Variants in GRID1 observed in about 807,000 individuals in gnomAD.
GRID1 encodes glutamate ionotropic receptor delta type subunit 1.
A neutral mutation model predicts 98.0 loss-of-function variants in GRID1; 28 were observed. The observed-to-expected ratio is 0.29, with a 90% CI of 0.21 to 0.39. The LOEUF (loss-of-function observed/expected upper bound fraction) is 0.39, where lower values mean the gene tolerates loss of function less well. GRID1 is among the 10% of genes least tolerant of loss of function. GRID1 has a pLI of 1.00. For missense variants in GRID1, 1,111 were observed against 1,340.5 expected (o/e 0.83, Z 2.67); for synonymous variants, 553 against 538.5 (o/e 1.03, Z -0.37).
Position 86,365,954 on chromosome 10 carries a change from C to T in GRID1, c.79+360G>A, listed in dbSNP as rs1270528876. Reference sequence around the variant, plus strand: ...TTGGCGAGCCCCCCGCTGTACCTCCCCCTGCCCCCCGCTGCTCTGAGCTGC... The same window carrying T: ...TTGGCGAGCCCCCCGCTGTACCTCCTCCTGCCCCCCGCTGCTCTGAGCTGC... On this transcript the variant is annotated intron_variant, in intron 1 of 15. Coordinates refer to ENST00000327946, the MANE Select transcript of GRID1 (RefSeq NM_017551.3). The surrounding 1 kb of genome is among the most constrained non-coding windows in gnomAD (Gnocchi z 4.8). 6.6e-6 allele frequency among the ~76,000 whole-genome samples: 1 copy of T among 152,194 alleles called. No individual in the cohort carries two copies. Among genetic ancestry groups the T allele is most frequent in the Non-Finnish European group, 1.5e-5 (1 of 68,014 alleles).
intron 4 of GRID1, among the ~76,000 whole-genome samples, chr10:86,018,239 C>T (rs758913936): frequency 2.0e-5 from 3 of 152,248 alleles, no homozygotes; most frequent in Non-Finnish European, 4.4e-5. Context: ...TTCTGATGAG[C>T]TCCTTCATGC....
intron 2 of GRID1, among the ~76,000 whole-genome samples, chr10:86,241,105 G>A (rs768717582): frequency 6.6e-6 from 1 of 152,240 alleles, no homozygotes; most frequent in African/African-American, 2.4e-5. Flanking sequence ...CCACTGCCCA[G>A]TGCTCTGTGA....
At chr10:86,207,347 C>A (rs932085676) in intron 2 of GRID1, among the ~76,000 whole-genome samples, 17 of 152,304 alleles carry the variant, frequency 1.1e-4, no homozygotes, top group Admixed American at 9.2e-4. Flanking sequence ...GAAAGACGTT[C>A]CCGCCACTCA....
intron 3 of GRID1, among the ~76,000 whole-genome samples, chr10:86,150,847 C>A (rs1845157693): frequency 6.6e-6 from 1 of 152,148 alleles, no homozygotes; most frequent in African/African-American, 2.4e-5. Flanking sequence ...TGGCCAACTG[C>A]AAACCAGGAA....
At chr10:86,162,523 C>T (rs1845337985) in intron 3 of GRID1, among the ~76,000 whole-genome samples, 1 of 152,206 alleles carries the variant, frequency 6.6e-6, no homozygotes, top group South Asian at 2.1e-4. Flanking sequence ...AGAAGCTTTC[C>T]ATGGATAAGG....
intron 4 of GRID1, among the ~76,000 whole-genome samples, chr10:86,133,717 G>T (rs1844872860): frequency 6.6e-6 from 1 of 152,158 alleles, no homozygotes; most frequent in African/African-American, 2.4e-5. Context: ...TGTAGACAAG[G>T]TCCCATGCTG....
chr10:86,253,343 T>C (rs1268863720), intron 2 of GRID1, among the ~76,000 whole-genome samples: 1 of 152,112 alleles, frequency 6.6e-6, no homozygotes, highest in African/African-American at 2.4e-5. Context: ...GCTGTGATTC[T>C]TCATTGGAAA....
At chr10:86,034,789 C>A (rs1843233064) in intron 4 of GRID1, among the ~76,000 whole-genome samples, 1 of 151,922 alleles carries the variant, frequency 6.6e-6, no homozygotes, top group African/African-American at 2.4e-5. Context: ...TCAGATTGTG[C>A]CTGGATGAAC....
At chr10:85,628,142 A>G (rs1361487950) in intron 13 of GRID1, among the ~76,000 whole-genome samples, 1 of 151,900 alleles carries the variant, frequency 6.6e-6, no homozygotes, top group Non-Finnish European at 1.5e-5. Context: ...TGTGCATTCA[A>G]TAATACATGT....
intron 5 of GRID1, among the ~76,000 whole-genome samples, chr10:85,870,921 T>C (rs1036391952): frequency 5.3e-5 from 8 of 152,110 alleles, no homozygotes; most frequent in African/African-American, 1.7e-4. Context: ...AAACAAGCCA[T>C]AGATTTACAT....
chr10:86,104,770 T>G (rs1304614351), intron 4 of GRID1, among the ~76,000 whole-genome samples: 1 of 152,184 alleles, frequency 6.6e-6, no homozygotes, highest in Non-Finnish European at 1.5e-5. Flanking sequence ...GCATGCACCA[T>G]GGTCAGGTCC....
chr10:85,688,847 G>T (rs140004604), intron 12 of GRID1, among the ~76,000 whole-genome samples: 3,349 of 152,270 alleles, frequency 0.022, 45 homozygotes, highest in Middle Eastern at 0.051. Flanking sequence ...GCATTTGGTG[G>T]TAATTGAAGC....
chr10:85,827,312 CTT>C (rs1466024777), intron 8 of GRID1, among the ~76,000 whole-genome samples: 2 of 152,030 alleles, frequency 1.3e-5, no homozygotes, highest in Admixed American at 6.6e-5. Flanking sequence ...AAAAAACTCA[CTT>C]TGAGAATTTC....
At chr10:85,770,074 C>G (rs1842241792) in intron 8 of GRID1, among the ~76,000 whole-genome samples, 1 of 152,200 alleles carries the variant, frequency 6.6e-6, no homozygotes, top group African/African-American at 2.4e-5. Flanking sequence ...GAGAGGCACC[C>G]CCCAGTAGGG....
intron 8 of GRID1, among the ~76,000 whole-genome samples, chr10:85,845,953 C>G (rs1037591425): frequency 1.3e-5 from 2 of 152,032 alleles, no homozygotes; most frequent in Non-Finnish European, 2.9e-5. Context: ...AAAACTGGTT[C>G]CATTTGGTGG....
intron 4 of GRID1, among the ~76,000 whole-genome samples, chr10:85,987,552 G>C: frequency 8.9e-6 from 1 of 112,222 alleles, no homozygotes. Flanking sequence ...CCCTTTCCCT[G>C]CCAGCCTTAC....
chr10:86,075,699 A>T (rs2131925093), intron 4 of GRID1, among the ~76,000 whole-genome samples: 1 of 152,286 alleles, frequency 6.6e-6, no homozygotes, highest in Admixed American at 6.5e-5. Context: ...CTTGTATTGG[A>T]AGAGATGTCC....
intron 4 of GRID1, among the ~76,000 whole-genome samples, chr10:85,935,620 G>A (rs943509734): frequency 6.6e-6 from 1 of 152,180 alleles, no homozygotes; most frequent in African/African-American, 2.4e-5. Flanking sequence ...GAGCCATGGG[G>A]ACATCAAAAA....
intron 8 of GRID1, among the ~76,000 whole-genome samples, chr10:85,749,646 G>T (rs1842027804): frequency 6.6e-6 from 1 of 152,078 alleles, no homozygotes; most frequent in Admixed American, 6.6e-5. Flanking sequence ...TCTGACCACT[G>T]CCTAGCTAAT....
Sources: allele counts gnomAD v4.1 joint callset (sites outside exome capture counted in the v4.1 genomes callset), GRCh38; gene constraint gnomAD v4.1.1; non-coding constraint Gnocchi (gnomAD v3.1); transcripts MANE v1.5; gene names NCBI Gene and HGNC (gene_info 2026-07-23, HGNC 2026-07-21).